The following PLAT variants were observed in gnomAD, a reference collection of about 807,000 sequenced individuals.
PLAT encodes plasminogen activator, tissue type, also known as tissue-type plasminogen activator.
PLAT carries 48 observed loss-of-function variants against 74.9 expected under a neutral mutation model. That is an observed-to-expected ratio of 0.64 (90% confidence interval 0.51 to 0.82). The LOEUF is 0.82. PLAT is among the 40% of genes least tolerant of loss of function. The pLI is 0.00. For synonymous variants in PLAT, 307 were observed against 294.4 expected (o/e 1.04, Z -0.44); for missense variants, 673 against 736.2 (o/e 0.91, Z 0.99).
Position 42,179,998 on chromosome 8 carries a change from G to A in PLAT, c.1291C>T (p.Leu431Phe). The change falls in exon 12 of 14, where the codon CTT becomes TTT. Residue 431 changes from leucine (L) to phenylalanine (F), a missense_variant. Physicochemically the swap from Leu to Phe is conservative, Grantham distance 22. Coordinates refer to ENST00000220809, the MANE Select transcript of PLAT (RefSeq NM_000930.5). ...GGCAGCTGCAGGTCCGCCGGGGGAA[G>A]GCACACAGTGCGGACCACGCTGCTC... The part of the protein sequence containing the change: ...QESSVVRTVC[L>F]PPADLQLPDW... The A allele has an allele frequency of 6.2e-7, 1 of 1,609,660 alleles. No homozygotes were observed.
chr8:42,177,281 G>A (rs8178794), intron 13 of PLAT, among the ~76,000 whole-genome samples: 2,134 of 152,276 alleles, frequency 0.014, 53 homozygotes, highest in African/African-American at 0.049. Flanking sequence ...CAATTAGCTG[G>A]TGGTAAAATT....
chr8:42,204,227 T>G (rs1339549842), intron 1 of PLAT, among the ~76,000 whole-genome samples: 1 of 151,872 alleles, frequency 6.6e-6, no homozygotes, highest in Admixed American at 6.6e-5. Context: ...CACCATATGG[T>G]TTTGTGAGCT....
At position 42,201,226 on chromosome 8, in the gene PLAT, T is replaced by C. The variant is rs1359586330; in HGVS notation, c.-27+6268A>G. Among the ~76,000 whole-genome samples the C allele has an allele frequency of 2.6e-5, 4 of 152,326 alleles. No individual in the cohort carries two copies. The East Asian group carries it at 7.7e-4, about 29-fold the overall frequency. Reference sequence around the variant, plus strand: ...TTCTCAACCTGGAAATCTAACTGCATTTACAGCACACATTCTGTGTGGGCA... The same window carrying C: ...TTCTCAACCTGGAAATCTAACTGCACTTACAGCACACATTCTGTGTGGGCA... On this transcript the variant is annotated intron_variant, in intron 1 of 13. Transcript: ENST00000220809.
intron 5 of PLAT, 33 bp downstream of exon 5, chr8:42,187,873 T>C: frequency 2.2e-6 from 3 of 1,358,836 alleles, no homozygotes; most frequent in Non-Finnish European, 3.2e-6. Flanking sequence ...GAGGTGGGAT[T>C]TCAGCTCGTT....
intron 1 of PLAT, among the ~76,000 whole-genome samples, chr8:42,199,094 T>C (rs953153143): frequency 2.0e-5 from 3 of 152,144 alleles, no homozygotes; most frequent in Admixed American, 1.3e-4. Flanking sequence ...ATCCCACTTC[T>C]CCAGGCCCTG....
chr8:42,206,872 A>T (rs118078345), intron 1 of PLAT, among the ~76,000 whole-genome samples: 19 of 152,348 alleles, frequency 1.2e-4, no homozygotes, highest in Non-Finnish European at 2.6e-4. Flanking sequence ...AAAAAGCCAG[A>T]GGGCCAAACT....
intron 6 of PLAT, chr8:42,186,469 G>A (rs920547718): frequency 2.3e-4 from 35 of 152,250 alleles, no homozygotes; most frequent in African/African-American, 7.0e-4. Flanking sequence ...CCCTTGCTTC[G>A]AGTTATCCCA....
chr8:42,180,553 A>T lies in PLAT; in HGVS notation c.1022T>A (p.Leu341Gln). Residue 341 changes from leucine (L) to glutamine (Q), a missense_variant, in exon 10 of 14, where the codon CTG becomes CAG. Physicochemically the swap from Leu to Gln is moderately radical, Grantham distance 113. Transcript: ENST00000220809. The part of the protein sequence containing the change: ...KHRRSPGERF[L>Q]CGGILISSCW... ...GGAGCTGATGAGTATGCCCCCGCAC[A>T]GGAACCGCTCTCCGGGCGACCTCCT... The T allele has an allele frequency of 1.9e-6, 3 of 1,614,182 alleles. No homozygotes were observed. Among genetic ancestry groups the T allele is most frequent in the Non-Finnish European group, 2.5e-6 (3 of 1,180,042 alleles).
chr8:42,191,318 C>T, intron 3 of PLAT, 54 bp downstream of exon 3: 1 of 1,506,412 alleles, frequency 6.6e-7, no homozygotes, highest in Admixed American at 1.7e-5. Context: ...GCACCCTGCA[C>T]CCCGCCCTGC....
rs1804928742 is a variant in PLAT at position 42,175,476 on chromosome 8, G to T, written c.*517C>A. 6.5e-6 allele frequency: 1 copy of T among 153,608 alleles called. No individual in the cohort carries two copies. Among genetic ancestry groups the T allele is most frequent in the Non-Finnish European group, 1.5e-5 (1 of 68,926 alleles). The allele number at this position is 153,608 out of a possible 1,614,324, so 9.5% of individuals were successfully genotyped here. ...GAGTGGGGAAAGGGGAAGGAGACTT[G>T]ACGTCAAGGGTGCTTTTGAGGAACA... is the stretch of plus-strand genomic sequence containing the variant. On this transcript the variant is annotated 3_prime_UTR_variant, in exon 14 of 14. Coordinates refer to ENST00000220809, the MANE Select transcript of PLAT (RefSeq NM_000930.5).
chr8:42,176,884 T>TAG (rs1402134578), intron 13 of PLAT, among the ~76,000 whole-genome samples: 1 of 151,206 alleles, frequency 6.6e-6, no homozygotes, highest in African/African-American at 2.5e-5. Flanking sequence ...TATTGAATGT[T>TAG]AGAAGTGTTT....
chr8:42,177,435 A>G (rs1047257830), intron 13 of PLAT, among the ~76,000 whole-genome samples: 10 of 152,226 alleles, frequency 6.6e-5, no homozygotes, highest in African/African-American at 9.6e-5. Context: ...GGCTGTATCT[A>G]TTCTGGTAAA....
intron 6 of PLAT, chr8:42,187,135 G>T: frequency 2.7e-6 from 1 of 375,884 alleles, no homozygotes; most frequent in Non-Finnish European, 4.8e-6. Flanking sequence ...CCTATCATCT[G>T]TCTATCTGTC....
intron 2 of PLAT, among the ~76,000 whole-genome samples, chr8:42,192,492 G>T (rs974998313): frequency 1.3e-5 from 2 of 152,114 alleles, no homozygotes; most frequent in African/African-American, 4.8e-5. Context: ...CTATGATTGT[G>T]CCATTGCACT....
At chr8:42,179,545 CTG>C (rs960826411) in intron 12 of PLAT, among the ~76,000 whole-genome samples, 13 of 152,212 alleles carry the variant, frequency 8.5e-5, no homozygotes, top group African/African-American at 1.9e-4. Context: ...AACGAGGAAA[CTG>C]AGGCTGGGAG....
In PLAT at chr8:42,191,353, C is replaced by T; in HGVS notation, c.115+19G>A. The T allele has an allele frequency of 6.2e-7, 1 of 1,611,540 alleles. No homozygotes were observed. Among genetic ancestry groups the T allele is most frequent in the Non-Finnish European group, 8.5e-7 (1 of 1,177,596 alleles). On this transcript the variant is annotated intron_variant, in intron 3 of 13. Coordinates refer to ENST00000220809, the MANE Select transcript of PLAT (RefSeq NM_000930.5). Reference sequence around the variant, plus strand: ...CCTCCCTCCCTGATGACCCCATGCACCCCTCAGCTTCACCCGACCTTGGTA... The same window carrying T: ...CCTCCCTCCCTGATGACCCCATGCATCCCTCAGCTTCACCCGACCTTGGTA...
chr8:42,200,143 T>C lies in PLAT; in HGVS notation c.-26-6932A>G, dbSNP rs557559454. Among the ~76,000 whole-genome samples, 6 of 152,368 alleles carry C rather than the reference T, an allele frequency of 3.9e-5. No individual in the cohort carries two copies. The East Asian group carries it at 1.2e-3, about 29-fold the overall frequency. ...ACTCAACAGATATTTGAGTAGCTTC[T>C]ACCTTTCCAGGCACAGAGTTTACTA... On this transcript the variant is annotated intron_variant, in intron 1 of 13. Transcript: ENST00000220809.
At chr8:42,206,538 A>AT (rs1381969641) in intron 1 of PLAT, 1 of 151,990 alleles carries the variant, frequency 6.6e-6, no homozygotes, top group African/African-American at 2.4e-5. Flanking sequence ...CACACACGAC[A>AT]TTTTTTCTGT....
intron 6 of PLAT, 123 bp from the exon 7 acceptor site, chr8:42,185,295 C>T (rs1805410978): frequency 5.8e-6 from 3 of 520,170 alleles, no homozygotes; most frequent in Admixed American, 3.8e-5. Flanking sequence ...GACAGAGTCT[C>T]GCTGTTTATC....
Sources: allele counts gnomAD v4.1 joint callset (sites outside exome capture counted in the v4.1 genomes callset), GRCh38; gene constraint gnomAD v4.1.1; transcripts MANE v1.5; gene names NCBI Gene and HGNC (gene_info 2026-07-23, HGNC 2026-07-21).